The following AGBL4 variants were observed in gnomAD, a reference collection of about 807,000 sequenced individuals.
The protein encoded by AGBL4 is cytosolic carboxypeptidase 6.
AGBL4 carries 58 observed loss-of-function variants against 66.4 expected under a neutral mutation model. That is an observed-to-expected ratio of 0.87 (90% CI 0.71 to 1.09). The LOEUF (loss-of-function observed/expected upper bound fraction) is 1.09, where lower values mean the gene tolerates loss of function less well. Among genes scored for constraint, AGBL4 ranks in the 50% least tolerant of loss-of-function variants. The pLI, the probability that AGBL4 is intolerant of heterozygous loss-of-function variation, is 0.00. For synonymous variants in AGBL4, 234 were observed against 222.9 expected (o/e 1.05, Z -0.44); for missense variants, 579 against 631.0 (o/e 0.92, Z 0.88).
intron 3 of AGBL4, among the ~76,000 whole-genome samples, chr1:49,679,025 G>A (rs1213618404): frequency 6.6e-6 from 1 of 152,076 alleles, no homozygotes; most frequent in Admixed American, 6.6e-5. Context: ...CTCATATTGG[G>A]TGGAGTGTTC....
intron 1 of AGBL4, among the ~76,000 whole-genome samples, chr1:49,851,848 C>T (rs1646312969): frequency 6.6e-6 from 1 of 152,134 alleles, no homozygotes; most frequent in Admixed American, 6.5e-5. Flanking sequence ...TATCTACTAT[C>T]ATTATCAAAA....
At chr1:48,784,276 A>ATAAGAACAC (rs1411094468) in intron 6 of AGBL4, among the ~76,000 whole-genome samples, 52 of 152,348 alleles carry the variant, frequency 3.4e-4, no homozygotes, top group African/African-American at 1.2e-3. Flanking sequence ...AGTTATAATT[A>ATAAGAACAC]TAAGAACACA....
chr1:49,481,133 G>T (rs890510782), intron 3 of AGBL4, among the ~76,000 whole-genome samples: 5 of 152,068 alleles, frequency 3.3e-5, no homozygotes, highest in African/African-American at 1.2e-4. Context: ...GGTTCCACAT[G>T]AATTTTAAAA....
At chr1:49,594,519 C>T (rs1046848539) in intron 3 of AGBL4, among the ~76,000 whole-genome samples, 3 of 152,120 alleles carry the variant, frequency 2.0e-5, no homozygotes, top group African/African-American at 7.2e-5. Context: ...CCCTTGCCTC[C>T]CATCCACCAC....
At chr1:49,718,514 T>C (rs773389559) in intron 2 of AGBL4, among the ~76,000 whole-genome samples, 3 of 152,092 alleles carry the variant, frequency 2.0e-5, no homozygotes, top group Admixed American at 6.6e-5. Context: ...TTATTATATC[T>C]ACACTAAAAG....
chr1:49,483,693 G>A (rs1210794763), intron 3 of AGBL4, among the ~76,000 whole-genome samples: 3 of 151,774 alleles, frequency 2.0e-5, no homozygotes, highest in Non-Finnish European at 4.4e-5. Context: ...CTGGGCAAAG[G>A]TTTCTTGAGT....
intron 3 of AGBL4, among the ~76,000 whole-genome samples, chr1:49,356,026 CT>C (rs1339533141): frequency 6.6e-6 from 1 of 152,082 alleles, no homozygotes; most frequent in African/African-American, 2.4e-5. Flanking sequence ...GGGTCCTGGT[CT>C]CCCTGGGTAT....
chr1:49,339,007 C>T (rs547857774), intron 3 of AGBL4, among the ~76,000 whole-genome samples: 192 of 152,116 alleles, frequency 1.3e-3, no homozygotes, highest in Non-Finnish European at 2.1e-3. Context: ...AAACCCAGGT[C>T]CAGAGAATTA....
chr1:49,476,822 G>T (rs1276356619), intron 3 of AGBL4, among the ~76,000 whole-genome samples: 1 of 152,068 alleles, frequency 6.6e-6, no homozygotes, highest in Non-Finnish European at 1.5e-5. Flanking sequence ...CTGGGCCTGA[G>T]GGTTGCTCAG....
chr1:49,948,432 T>TAG lies in AGBL4; in HGVS notation c.34+75330_34+75331insCT, dbSNP rs374591772. 8.6e-5 allele frequency among the ~76,000 whole-genome samples: 6 copies of TAG among 69,518 alleles called. No individual in the cohort carries two copies. In the South Asian group the frequency reaches 3.2e-3, roughly 37 times the overall value. The allele number at this position is 69,518 out of a possible 152,430, so 45.6% of individuals were successfully genotyped here. On this transcript the variant is annotated intron_variant, in intron 1 of 13. Coordinates refer to ENST00000371839, the MANE Select transcript of AGBL4 (RefSeq NM_032785.4). ...AAATATAGATAAATATAGATAAATA[T>TAG]ATAAATATATATAAATATATAAATA...
chr1:49,555,803 G>T (rs1016935977), intron 3 of AGBL4, among the ~76,000 whole-genome samples: 2 of 151,994 alleles, frequency 1.3e-5, no homozygotes, highest in African/African-American at 2.4e-5. Flanking sequence ...GGCCATCACA[G>T]AAATGCAAAT....
intron 5 of AGBL4, among the ~76,000 whole-genome samples, chr1:49,030,751 T>C (rs903577741): frequency 6.6e-6 from 1 of 150,426 alleles, no homozygotes; most frequent in African/African-American, 2.4e-5. Context: ...GCCAAAAAGG[T>C]TGGGGACCGT....
chr1:49,279,191 C>T (rs541440492), intron 3 of AGBL4, among the ~76,000 whole-genome samples: 95 of 152,254 alleles, frequency 6.2e-4, no homozygotes, highest in Non-Finnish European at 3.5e-4. Context: ...CAGAGTGGTT[C>T]ACCTAGGGTT....
chr1:49,658,242 C>G (rs1646189721), intron 3 of AGBL4, among the ~76,000 whole-genome samples: 2 of 152,110 alleles, frequency 1.3e-5, no homozygotes, highest in South Asian at 4.1e-4. Context: ...ATGCAGCCAA[C>G]AGACACATGA....
chr1:48,568,159 T>C (rs1425182974), intron 11 of AGBL4, among the ~76,000 whole-genome samples: 2 of 152,192 alleles, frequency 1.3e-5, no homozygotes, highest in African/African-American at 4.8e-5. Context: ...AATCTGATCA[T>C]GTCATTCCTC....
chr1:49,482,880 C>T (rs555202621), intron 3 of AGBL4, among the ~76,000 whole-genome samples: 1 of 151,768 alleles, frequency 6.6e-6, no homozygotes, highest in Admixed American at 6.6e-5. Flanking sequence ...CATTATTTAC[C>T]CAAAAGTCAT....
At chr1:48,651,762 ACT>A (rs1645934027) in intron 8 of AGBL4, among the ~76,000 whole-genome samples, 1 of 151,948 alleles carries the variant, frequency 6.6e-6, no homozygotes, top group African/African-American at 2.4e-5. Context: ...CAGTAAACCA[ACT>A]CTGTGTAAAA....
At chr1:49,534,651 G>C (rs1570968333) in intron 3 of AGBL4, among the ~76,000 whole-genome samples, 1 of 152,144 alleles carries the variant, frequency 6.6e-6, no homozygotes, top group African/African-American at 2.4e-5. Context: ...CTCCTACATC[G>C]AGCAGGTATG....
In AGBL4 at chr1:49,846,968, A is replaced by G. The variant is rs183267976; in HGVS notation, c.157+4428T>C. Among the ~76,000 whole-genome samples, 462 of 152,380 alleles carry G rather than the reference A, an allele frequency of 3.0e-3. 2 individuals carry two copies. The highest frequency in any genetic ancestry group is 0.011 in the African/African-American group (439 of 41,594). ...TGTACCCAAAGGAGCCCAAATAGCC[A>G]AAGCAGTTCTAAGCAAAAACAACAA... is the stretch of plus-strand genomic sequence containing the variant. On this transcript the variant is annotated intron_variant, in intron 2 of 13. Transcript: ENST00000371839.
Sources: allele counts gnomAD v4.1 joint callset (sites outside exome capture counted in the v4.1 genomes callset), GRCh38; gene constraint gnomAD v4.1.1; transcripts MANE v1.5; gene names NCBI Gene and HGNC (gene_info 2026-07-23, HGNC 2026-07-21).